MYB: variants seen among roughly 807,000 people sequenced by gnomAD.
MYB encodes MYB proto-oncogene, transcription factor.
In MYB, 28 loss-of-function variants were observed where a neutral mutation model predicts 92.9. That is an observed-to-expected ratio of 0.30 (90% confidence interval 0.22 to 0.41). The LOEUF is 0.41. MYB is among the 10% of genes least tolerant of loss of function. MYB has a pLI of 1.00. For missense variants in MYB, 679 were observed against 929.3 expected (o/e 0.73, Z 3.50); for synonymous variants, 295 against 329.1 (o/e 0.90, Z 1.12).
At chr6:135,187,933 A>G (rs1463042785) in intron 3 of MYB, 28 bp downstream of exon 3, 1 of 1,497,198 alleles carries the variant, frequency 6.7e-7, no homozygotes, top group Admixed American at 1.7e-5. Context: ...TCTTATAACG[A>G]AAGGAAAGCT....
At chr6:135,198,838 G>A (rs1224505257) in intron 10 of MYB, 70 bp from the exon 11 acceptor site, 3 of 1,301,560 alleles carry the variant, frequency 2.3e-6, no homozygotes, top group Non-Finnish European at 3.2e-6. Context: ...ATCTAGGTGT[G>A]ATTTTTAAAT....
In MYB at chr6:135,199,061, G is replaced by A. The variant is rs1777711847; in HGVS notation, c.1709+11G>A. The stretch of plus-strand genomic sequence containing the variant: ...AAAGGAAAATACTGTGTAAGTCTTT[G>A]GTTCAGGAATAAAATGATTTATCTT... On this transcript the variant is annotated intron_variant, in intron 11 of 15. Transcript: ENST00000341911. 6.4e-7 allele frequency: 1 copy of A among 1,563,284 alleles called. No individual in the cohort carries two copies.
chr6:135,212,934 T>A (rs1032366304), intron 15 of MYB, among the ~76,000 whole-genome samples: 3 of 152,178 alleles, frequency 2.0e-5, no homozygotes, highest in Admixed American at 2.0e-4. Flanking sequence ...TCAGGTAAGA[T>A]GGGAGAAAGG....
chr6:135,202,436 T>G (rs1165355607), intron 14 of MYB: 1 of 155,836 alleles, frequency 6.4e-6, no homozygotes, highest in Non-Finnish European at 1.4e-5. Flanking sequence ...TGGCACGATT[T>G]CGGCTCACTG....
intron 3 of MYB, among the ~76,000 whole-genome samples, chr6:135,189,570 C>T (rs1304689270): frequency 6.6e-6 from 1 of 152,174 alleles, no homozygotes; most frequent in Non-Finnish European, 1.5e-5. Flanking sequence ...AGGAATGTTT[C>T]CCTCAGGAGG....
chr6:135,186,146 G>T (rs535146239), intron 2 of MYB, 126 bp downstream of exon 2: 34 of 716,666 alleles, frequency 4.7e-5, no homozygotes, highest in Non-Finnish European at 7.0e-5. Flanking sequence ...ATCCTAGCCC[G>T]CATGTGCAGC....
intron 15 of MYB, among the ~76,000 whole-genome samples, chr6:135,209,693 A>G (rs879895171): frequency 1.3e-5 from 2 of 152,232 alleles, no homozygotes; most frequent in South Asian, 2.1e-4. Flanking sequence ...TGCAACAGCT[A>G]CATAATCTTA....
At chr6:135,183,158 C>T (rs1446495258) in intron 1 of MYB, among the ~76,000 whole-genome samples, 2 of 152,008 alleles carry the variant, frequency 1.3e-5, no homozygotes, top group Admixed American at 6.5e-5. Flanking sequence ...CCTGAGGCTC[C>T]AGGTAGCCCA....
Position 135,186,025 on chromosome 6 carries a change from C to T in MYB, c.141+5C>T, listed in dbSNP as rs774951589. ...ACAAGGTGGACCCGGGAAGAGGTAA[C>T]TAATCATTTTATCAAGACGCAGAAA... On this transcript the variant is annotated splice_donor_5th_base_variant and intron_variant, in intron 2 of 15. Coordinates refer to ENST00000341911, the MANE Select transcript of MYB (RefSeq NM_001130173.2). 1 of 1,609,610 alleles carries T rather than the reference C, an allele frequency of 6.2e-7. No individual in the cohort carries two copies.
In MYB at chr6:135,181,684, C is replaced by A; in HGVS notation, c.23+148C>A. The A allele has an allele frequency of 2.7e-6, 1 of 371,068 alleles. No individual in the cohort carries two copies. The highest frequency in any genetic ancestry group is 4.0e-6 in the Non-Finnish European group (1 of 248,276). 23.0% of individuals were successfully genotyped at this position (371,068 alleles called of 1,614,324 possible). A position where few individuals can be genotyped will look rare whatever the true frequency, so the allele number is the denominator to read the frequency against. The stretch of plus-strand genomic sequence containing the variant: ...GGACCTGGAGCCCCTGCCTCGGCAG[C>A]AGAAGCCGCTCCAGAGACTGATGAA... On this transcript the variant is annotated intron_variant, in intron 1 of 15. Coordinates refer to ENST00000341911, the MANE Select transcript of MYB (RefSeq NM_001130173.2). This position sits in a 1 kb window ranked among gnomAD's most constrained non-coding sequence, Gnocchi z 5.3.
In MYB at chr6:135,211,760, A is replaced by G. The variant is rs55919011; in HGVS notation, c.2170-6104A>G. ...TTGCAATTGTTAGTTAGGCTTGGGA[A>G]GTGGAGTCATTGGTGGATGAGGCAA... On this transcript the variant is annotated intron_variant, in intron 15 of 15. Transcript: ENST00000341911. Among the ~76,000 whole-genome samples the G allele has an allele frequency of 3.8e-3, 586 of 152,336 alleles. 7 individuals are homozygous for G. Among genetic ancestry groups the G allele is most frequent in the South Asian group, 0.017 (81 of 4,822 alleles).
At chr6:135,199,544 TC>T (rs1450988602) in intron 11 of MYB, 1 of 1,079,952 alleles carries the variant, frequency 9.3e-7, no homozygotes, top group South Asian at 2.6e-5. Context: ...TCTTCTGACA[TC>T]CCCAGGAATA....
chr6:135,210,277 G>A (rs928391087), intron 15 of MYB, among the ~76,000 whole-genome samples: 1 of 152,160 alleles, frequency 6.6e-6, no homozygotes, highest in Non-Finnish European at 1.5e-5. Flanking sequence ...AAGTGTAAAA[G>A]ATGTGTTCAT....
Position 135,218,056 on chromosome 6 carries a change from C to G in MYB, c.*76C>G. 8.5e-7 allele frequency: 1 copy of G among 1,180,398 alleles called. No homozygotes were observed. The highest frequency in any genetic ancestry group is 1.3e-6 in the Non-Finnish European group (1 of 789,618). The allele number at this position is 1,180,398 out of a possible 1,614,324, so 73.1% of individuals were successfully genotyped here. A position where few individuals can be genotyped will look rare whatever the true frequency, so the allele number is the denominator to read the frequency against. On this transcript the variant is annotated 3_prime_UTR_variant, in exon 16 of 16. Transcript: ENST00000341911. ...GGATATATCATTCCTCAACATGAAACTTTTCATGAATGGGAGAAGAACCTA... is the reference window on the plus strand; with the variant it reads ...GGATATATCATTCCTCAACATGAAAGTTTTCATGAATGGGAGAAGAACCTA...
At position 135,193,892 on chromosome 6, in the gene MYB, C is replaced by T; in HGVS notation, c.817C>T (p.Pro273Ser). The T allele has an allele frequency of 6.2e-7, 1 of 1,612,280 alleles. No individual in the cohort carries two copies. Among genetic ancestry groups the T allele is most frequent in the South Asian group, 1.1e-5 (1 of 91,030 alleles). ...VALHVNIVNV[P>S]QPAAAAIQRH... is the part of the protein sequence containing the mutation. ...GTTACATGTAAATATAGTCAATGTCCCTCAGCCAGCTGCCGCAGCCATTCA... is the reference window on the plus strand; with the variant it reads ...GTTACATGTAAATATAGTCAATGTCTCTCAGCCAGCTGCCGCAGCCATTCA... The change falls in exon 7 of 16, where the codon CCT becomes TCT. Residue 273 changes from proline to serine, a missense_variant. Physicochemically the swap from Pro to Ser is moderately conservative, Grantham distance 74. This residue lies in a region of MYB where 43 missense variants were observed against 87.9 expected (regional missense o/e 0.49). Coordinates refer to ENST00000341911, the MANE Select transcript of MYB (RefSeq NM_001130173.2).
intron 9 of MYB, 108 bp downstream of exon 9, chr6:135,196,110 A>G: frequency 8.9e-7 from 1 of 1,125,856 alleles, no homozygotes; most frequent in East Asian, 2.5e-5. Flanking sequence ...AGCATATATT[A>G]ATGTAAAGGT....
At chr6:135,206,080 C>T (rs988246567) in intron 15 of MYB, among the ~76,000 whole-genome samples, 5 of 151,368 alleles carry the variant, frequency 3.3e-5, no homozygotes, top group South Asian at 2.1e-4. Flanking sequence ...GTGGCGGGCA[C>T]CTGTAGTCCC....
chr6:135,183,009 T>G (rs1182376503), intron 1 of MYB, among the ~76,000 whole-genome samples: 3 of 57,728 alleles, frequency 5.2e-5, no homozygotes, highest in South Asian at 1.7e-3. Flanking sequence ...GTCATCTGTT[T>G]TTTTTTTTTT....
intron 10 of MYB, among the ~76,000 whole-genome samples, chr6:135,197,526 A>G (rs1392334228): frequency 6.6e-6 from 1 of 152,188 alleles, no homozygotes; most frequent in African/African-American, 2.4e-5. Context: ...TTTTGGCATC[A>G]TTCTCTCTCT....
Sources: allele counts gnomAD v4.1 joint callset (sites outside exome capture counted in the v4.1 genomes callset), GRCh38; gene constraint gnomAD v4.1.1; regional missense constraint gnomAD v4.1.1; non-coding constraint Gnocchi (gnomAD v3.1); transcripts MANE v1.5; gene names NCBI Gene and HGNC (gene_info 2026-07-23, HGNC 2026-07-21).